SMC5: variants seen among roughly 807,000 people sequenced by gnomAD.
SMC5 encodes structural maintenance of chromosomes protein 5.
SMC5 carries 88 observed loss-of-function variants against 148.3 expected under a neutral mutation model. The observed-to-expected ratio is 0.59, with a 90% CI of 0.50 to 0.71. The LOEUF is 0.71. Among genes scored for constraint, SMC5 ranks in the 30% least tolerant of loss-of-function variants. SMC5 has a pLI of 0.00. For synonymous variants in SMC5, 421 were observed against 432.8 expected (o/e 0.97, Z 0.34); for missense variants, 1,142 against 1,298.9 (o/e 0.88, Z 1.86).
At chr9:70,299,909 T>G in intron 9 of SMC5, 137 bp from the exon 10 acceptor site, 1 of 608,832 alleles carries the variant, frequency 1.6e-6, no homozygotes, top group East Asian at 3.5e-5. Flanking sequence ...AGGTCACATA[T>G]TTTCCACTAT....
intron 13 of SMC5, among the ~76,000 whole-genome samples, chr9:70,315,846 A>C (rs983615961): frequency 6.6e-6 from 1 of 152,122 alleles, no homozygotes. Flanking sequence ...ACCTGAAAAG[A>C]GATACCTAGT....
At chr9:70,278,367 G>A in intron 4 of SMC5, 124 bp from the exon 5 acceptor site, 2 of 858,896 alleles carry the variant, frequency 2.3e-6, no homozygotes, top group South Asian at 3.6e-5. Context: ...TGCACAAAAG[G>A]TTTATATCTC....
chr9:70,289,177 A>G (rs2034990472), intron 8 of SMC5, among the ~76,000 whole-genome samples: 1 of 152,056 alleles, frequency 6.6e-6, no homozygotes, highest in Admixed American at 6.5e-5. Context: ...AGCTGGGACT[A>G]CAGGCATGCA....
intron 3 of SMC5, among the ~76,000 whole-genome samples, chr9:70,276,257 G>T (rs2034589700): frequency 6.6e-6 from 1 of 152,150 alleles, no homozygotes; most frequent in Non-Finnish European, 1.5e-5. Flanking sequence ...GGCTTTGTCT[G>T]TTTTTGTCCT....
chr9:70,258,984 C>CGCGGGA lies in SMC5; in HGVS notation c.-89_-84dup. The CGCGGGA allele has an allele frequency of 7.1e-7, 1 of 1,407,204 alleles. No homozygotes were observed. The highest frequency in any genetic ancestry group is 1.5e-5 in the South Asian group (1 of 67,128). The allele number at this position is 1,407,204 out of a possible 1,614,324, so 87.2% of individuals were successfully genotyped here. ...CGCGGTAACAGTTCGCGGCAGTTCGCGCGGGAGCGGGGCGCCTGGGTGGAT... is the reference window on the plus strand; with the variant it reads ...CGCGGTAACAGTTCGCGGCAGTTCGCGCGGGAGCGGGAGCGGGGCGCCTGGGTGGAT... On this transcript the variant is annotated 5_prime_UTR_variant, in exon 1 of 25. Coordinates refer to ENST00000361138, the MANE Select transcript of SMC5 (RefSeq NM_015110.4).
chr9:70,317,828 T>G (rs2035842138), intron 13 of SMC5, among the ~76,000 whole-genome samples: 1 of 152,208 alleles, frequency 6.6e-6, no homozygotes, highest in South Asian at 2.1e-4. Flanking sequence ...TGAAAAATGT[T>G]TCATTTGATT....
chr9:70,315,615 C>T, intron 13 of SMC5, 37 bp downstream of exon 13: 1 of 1,425,460 alleles, frequency 7.0e-7, no homozygotes, highest in Non-Finnish European at 9.3e-7. Context: ...AATCATGTAC[C>T]AAAAATGTAG....
chr9:70,261,928 A>G (rs1273899916), intron 1 of SMC5, among the ~76,000 whole-genome samples: 2 of 152,236 alleles, frequency 1.3e-5, no homozygotes, highest in East Asian at 1.9e-4. Flanking sequence ...GCATTTAGCA[A>G]TTGGGAAATC....
chr9:70,299,195 A>G (rs1340778485), intron 9 of SMC5, among the ~76,000 whole-genome samples: 2 of 151,892 alleles, frequency 1.3e-5, no homozygotes, highest in African/African-American at 2.4e-5. Context: ...TTAGTGTTTT[A>G]TGTGCTTTAT....
intron 24 of SMC5, among the ~76,000 whole-genome samples, 174 bp from the exon 25 acceptor site, chr9:70,352,017 G>T (rs117155294): frequency 0.036 from 5,555 of 152,210 alleles, 124 homozygotes; most frequent in Non-Finnish European, 0.053. Flanking sequence ...GGTGGTGGAG[G>T]TTGCACTGAG....
chr9:70,354,708 C>A lies in SMC5; in HGVS notation c.*2377C>A, dbSNP rs2118874368. The A allele has an allele frequency of 6.6e-6, 1 of 152,214 alleles. No individual in the cohort carries two copies. The highest frequency in any genetic ancestry group is 1.9e-4 in the East Asian group (1 of 5,180). The allele number at this position is 152,214 out of a possible 1,614,324, so 9.4% of individuals were successfully genotyped here. On this transcript the variant is annotated 3_prime_UTR_variant, in exon 25 of 25. Coordinates refer to ENST00000361138, the MANE Select transcript of SMC5 (RefSeq NM_015110.4). ...ATATTCAAAGTAAAAGGAAAGATTT[C>A]TTGCTTTCTAATTGTCTTTTGGACA...
At chr9:70,343,655 A>G (rs1420517218) in intron 17 of SMC5, among the ~76,000 whole-genome samples, 1 of 152,042 alleles carries the variant, frequency 6.6e-6, no homozygotes, top group Non-Finnish European at 1.5e-5. Flanking sequence ...GTCTCTACTA[A>G]AAACACAAAA....
intron 11 of SMC5, among the ~76,000 whole-genome samples, chr9:70,313,726 C>T (rs2035720954): frequency 6.6e-6 from 1 of 152,126 alleles, no homozygotes; most frequent in South Asian, 2.1e-4. Flanking sequence ...TCTTGAACTC[C>T]TGACCTCAGT....
At chr9:70,261,536 A>G (rs1385101925) in intron 1 of SMC5, among the ~76,000 whole-genome samples, 1 of 152,208 alleles carries the variant, frequency 6.6e-6, no homozygotes, top group Non-Finnish European at 1.5e-5. Context: ...TGCCTCTTAG[A>G]TCCTGTGACT....
Position 70,259,187 on chromosome 9 carries a change from C to A in SMC5, c.109C>A (p.Pro37Thr). ...EVPSKRKNSA[P>T]QLPLLQSSGP... ...CCCGAGCAAGAGGAAGAATTCGGCC[C>A]CGCAGCTGCCGCTGTTGCAGTCGTC... Residue 37 changes from proline to threonine, a missense_variant, in exon 1 of 25, where the codon CCG (proline) becomes ACG (threonine). Coordinates refer to ENST00000361138, the MANE Select transcript of SMC5 (RefSeq NM_015110.4). 1 of 1,608,972 alleles carries A rather than the reference C, an allele frequency of 6.2e-7. No individual in the cohort carries two copies. The highest frequency in any genetic ancestry group is 8.5e-7 in the Non-Finnish European group (1 of 1,177,746).
chr9:70,318,411 A>G (rs751491037), intron 13 of SMC5, 103 bp from the exon 14 acceptor site: 182 of 982,832 alleles, frequency 1.9e-4, no homozygotes, highest in Non-Finnish European at 2.5e-4. Flanking sequence ...TATATCTCGT[A>G]TATTTTGATC....
chr9:70,303,011 C>G (rs2035399769), intron 10 of SMC5, among the ~76,000 whole-genome samples: 1 of 152,172 alleles, frequency 6.6e-6, no homozygotes, highest in African/African-American at 2.4e-5. Context: ...GGGAGGACCA[C>G]TTGAGTCCAA....
At position 70,350,153 on chromosome 9, in the gene SMC5, T is replaced by G. The variant is rs1587724763; in HGVS notation, c.2929T>G (p.Phe977Val). 1 of 1,609,880 alleles carries G rather than the reference T, an allele frequency of 6.2e-7. No homozygotes were observed. Among genetic ancestry groups the G allele is most frequent in the East Asian group, 2.2e-5 (1 of 44,706 alleles). ...DKYGIRIRVK[F>V]RSSTQLHELT... Reference sequence around the variant, plus strand: ...ATATGGAATTCGAATTAGAGTCAAATTTCGAAGTAGTACTCAACTGCATGA... The same window carrying G: ...ATATGGAATTCGAATTAGAGTCAAAGTTCGAAGTAGTACTCAACTGCATGA... The change falls in exon 23 of 25, where the codon TTT (phenylalanine) becomes GTT (valine). Residue 977 changes from phenylalanine to valine, a missense_variant. By Grantham distance (50) the Phe-to-Val change is conservative. This residue lies in a region of SMC5 where 743 missense variants were observed against 835.7 expected (regional missense o/e 0.89). Transcript: ENST00000361138.
At chr9:70,339,939 T>C (rs1182797981) in intron 17 of SMC5, among the ~76,000 whole-genome samples, 1 of 152,142 alleles carries the variant, frequency 6.6e-6, no homozygotes, top group African/African-American at 2.4e-5. Context: ...CAGAGGTCGA[T>C]AAAAATTTCT....
Sources: allele counts gnomAD v4.1 joint callset (sites outside exome capture counted in the v4.1 genomes callset), GRCh38; gene constraint gnomAD v4.1.1; regional missense constraint gnomAD v4.1.1; transcripts MANE v1.5; gene names NCBI Gene and HGNC (gene_info 2026-07-23, HGNC 2026-07-21).